The following SPTY2D1 variants were observed in gnomAD, a reference collection of about 807,000 sequenced individuals.
SPTY2D1 encodes SPT2 chromatin protein domain containing 1, also known as protein SPT2 homolog.
In SPTY2D1, 21 loss-of-function variants were observed where a neutral mutation model predicts 64.0. That is an observed-to-expected ratio of 0.33 (90% CI 0.23 to 0.47). The LOEUF (loss-of-function observed/expected upper bound fraction) is 0.47, where lower values mean the gene tolerates loss of function less well. Ranked by LOEUF, SPTY2D1 falls within the 20% of genes least tolerant of loss-of-function variation. The pLI is 1.00. For missense variants in SPTY2D1, 724 were observed against 837.2 expected (o/e 0.86, Z 1.67); for synonymous variants, 287 against 286.8 (o/e 1.00, Z -0.01).
At position 18,606,954 on chromosome 11, in the gene SPTY2D1, AG is replaced by A. The variant is rs1336125562; in HGVS notation, c.*2906del. 2 of 296,464 alleles carry A rather than the reference AG, an allele frequency of 6.7e-6. No homozygotes were observed. The highest frequency in any genetic ancestry group is 2.4e-5 in the African/African-American group (1 of 42,414). The allele number at this position is 296,464 out of a possible 1,614,324, so 18.4% of individuals were successfully genotyped here. On this transcript the variant is annotated 3_prime_UTR_variant, in exon 6 of 6. Transcript: ENST00000336349. ...TGGCTGACTGCAACCTCCGCCTCCC[AG>A]GTTCTAGCGATTCTCCTGCCTCAGC...
In SPTY2D1 at chr11:18,616,109, C is replaced by A; in HGVS notation, c.176-11G>T. The A allele has an allele frequency of 6.3e-7, 1 of 1,578,696 alleles. No homozygotes were observed. The highest frequency in any genetic ancestry group is 8.6e-7 in the Non-Finnish European group (1 of 1,163,680). On this transcript the variant is annotated splice_polypyrimidine_tract_variant and intron_variant, in intron 2 of 5. Transcript: ENST00000336349. ...TTTTCTCCTCTAAGGCTAAAAGGGA[C>A]AAAACAAGAATATGTTATTACTTCG... is the stretch of plus-strand genomic sequence containing the variant.
At chr11:18,627,692 C>G (rs923885616) in intron 1 of SPTY2D1, among the ~76,000 whole-genome samples, 1 of 152,114 alleles carries the variant, frequency 6.6e-6, no homozygotes, top group Non-Finnish European at 1.5e-5. Flanking sequence ...TCCTGGCTAA[C>G]ACAGTGAAAC....
At chr11:18,629,085 A>C (rs1371945157) in intron 1 of SPTY2D1, among the ~76,000 whole-genome samples, 1 of 152,004 alleles carries the variant, frequency 6.6e-6, no homozygotes, top group Admixed American at 6.6e-5. Context: ...TTTGCCCTTT[A>C]CCTTTCGGTT....
chr11:18,626,626 C>T (rs920249708), intron 1 of SPTY2D1, among the ~76,000 whole-genome samples: 3 of 152,162 alleles, frequency 2.0e-5, no homozygotes, highest in Admixed American at 6.6e-5. Flanking sequence ...CCATATCTAG[C>T]GTTAGCTCTG....
At position 18,615,135 on chromosome 11, in the gene SPTY2D1, C is replaced by G; in HGVS notation, c.1139G>C (p.Gly380Ala). The part of the protein sequence containing the change: ...QPGSSSSSAP[G>A]QPSTGVARPT... ...TCGAGCAACCCCTGTGCTGGGCTGCCCAGGGGCTGAGCTAGAGCTGCTGCC... is the reference window on the plus strand; with the variant it reads ...TCGAGCAACCCCTGTGCTGGGCTGCGCAGGGGCTGAGCTAGAGCTGCTGCC... Residue 380 changes from glycine to alanine, a missense_variant, in exon 3 of 6, where the codon GGG becomes GCG. Gly to Ala is a moderately conservative substitution (Grantham distance 60, BLOSUM62 0). Around this residue, in one of 3 missense-constraint regions of SPTY2D1, gnomAD observed 426 missense variants for 431.8 expected, o/e 0.99. Transcript: ENST00000336349. 2 of 1,614,190 alleles carry G rather than the reference C, an allele frequency of 1.2e-6. No individual in the cohort carries two copies. The highest frequency in any genetic ancestry group is 1.6e-4 in the Middle Eastern group (1 of 6,062).
At chr11:18,625,525 C>T (rs1264660422) in intron 1 of SPTY2D1, among the ~76,000 whole-genome samples, 1 of 151,888 alleles carries the variant, frequency 6.6e-6, no homozygotes. Flanking sequence ...CTAACTCAGC[C>T]CCAAAATATT....
In SPTY2D1 at chr11:18,615,581, T is replaced by C. The variant is rs2134110949; in HGVS notation, c.693A>G (p.Ala231=). The C allele has an allele frequency of 1.2e-6, 2 of 1,614,172 alleles. No individual in the cohort carries two copies. The highest frequency in any genetic ancestry group is 1.1e-5 in the South Asian group (1 of 91,086). The part of the protein sequence containing the change: ...GKLPPTVSKK[A]PSQKESVGTK... ...TGCCCACACTTTCTTTCTGAGAGGG[T>C]GCCTTTTTGGACACAGTTGGAGGTA... The change falls in exon 3 of 6, where the codon GCA becomes GCG. Residue 231 remains alanine, a synonymous_variant. Coordinates refer to ENST00000336349, the MANE Select transcript of SPTY2D1 (RefSeq NM_194285.3).
At chr11:18,626,596 G>A (rs1854502652) in intron 1 of SPTY2D1, among the ~76,000 whole-genome samples, 1 of 152,164 alleles carries the variant, frequency 6.6e-6, no homozygotes, top group African/African-American at 2.4e-5. Context: ...TAATCTGCCT[G>A]GATTAGATTC....
intron 1 of SPTY2D1, among the ~76,000 whole-genome samples, chr11:18,627,043 C>A (rs893735962): frequency 3.9e-5 from 6 of 152,056 alleles, no homozygotes; most frequent in African/African-American, 1.4e-4. Context: ...TGGAGCATGA[C>A]CTATTAATTA....
Position 18,622,581 on chromosome 11 carries a change from G to T in SPTY2D1, c.61-5592C>A, listed in dbSNP as rs117529312. On this transcript the variant is annotated intron_variant, in intron 1 of 5. Transcript: ENST00000336349. ...ATACCACAAAATTCATCCATTTAATGTATACTATTAAATGGTTTTTGATAT... is the reference window on the plus strand; with the variant it reads ...ATACCACAAAATTCATCCATTTAATTTATACTATTAAATGGTTTTTGATAT... 1.8e-4 allele frequency among the ~76,000 whole-genome samples: 27 copies of T among 152,096 alleles called. No homozygotes were observed. In the East Asian group the frequency reaches 4.7e-3, roughly 26 times the overall value.
At chr11:18,622,610 G>C (rs11825891) in intron 1 of SPTY2D1, among the ~76,000 whole-genome samples, 20,729 of 151,956 alleles carry the variant, frequency 0.14, 1,450 homozygotes, top group South Asian at 0.2. Context: ...TTGATATACA[G>C]TTGACCTTTA....
chr11:18,628,282 T>C (rs1381722905), intron 1 of SPTY2D1, among the ~76,000 whole-genome samples: 2 of 152,344 alleles, frequency 1.3e-5, no homozygotes, highest in East Asian at 1.9e-4. Flanking sequence ...CTATTATGAA[T>C]AATGCTGCTG....
Position 18,606,561 on chromosome 11 carries a change from A to T in SPTY2D1, c.*3300T>A, listed in dbSNP as rs1003828935. ...TAACTTGATTTGTCCATTGTGTAAA[A>T]GACAGGATGGATTTAATTACTCCAA... On this transcript the variant is annotated 3_prime_UTR_variant, in exon 6 of 6. Coordinates refer to ENST00000336349, the MANE Select transcript of SPTY2D1 (RefSeq NM_194285.3). 7.3e-6 allele frequency: 2 copies of T among 272,574 alleles called. No individual in the cohort carries two copies. The highest frequency in any genetic ancestry group is 4.7e-5 in the African/African-American group (2 of 42,346). The allele number at this position is 272,574 out of a possible 1,614,324, so 16.9% of individuals were successfully genotyped here.
At position 18,615,887 on chromosome 11, in the gene SPTY2D1, A is replaced by G; in HGVS notation, c.387T>C (p.Asn129=). ...TDREYEMEEE[N]EFLEYNHAES... is the part of the protein sequence containing the mutation. ...CTGCGTGATTGTACTCGAGGAATTCATTCTCTTCTTCCATTTCATACTCTC... is the reference window on the plus strand; with the variant it reads ...CTGCGTGATTGTACTCGAGGAATTCGTTCTCTTCTTCCATTTCATACTCTC... The change falls in exon 3 of 6, where the codon AAT becomes AAC. Residue 129 remains asparagine (N), a synonymous_variant. Transcript: ENST00000336349. The G allele has an allele frequency of 2.5e-6, 4 of 1,613,794 alleles. No individual in the cohort carries two copies. Among genetic ancestry groups the G allele is most frequent in the Non-Finnish European group, 3.4e-6 (4 of 1,179,962 alleles).
At chr11:18,616,230 G>T in intron 2 of SPTY2D1, 132 bp from the exon 3 acceptor site, 1 of 802,192 alleles carries the variant, frequency 1.2e-6, no homozygotes, top group Non-Finnish European at 1.9e-6. Context: ...ATGTGAACAA[G>T]TATCAATTGA....
In SPTY2D1 at chr11:18,612,769, CTT is replaced by C. The variant is rs749489129; in HGVS notation, c.1712-283_1712-282del. ...TAAGATCAGTAAAATTTCTTTCTTT[CTT>C]TTTTTTTTTTTTGAGACAGAGTTTC... is the stretch of plus-strand genomic sequence containing the variant. On this transcript the variant is annotated intron_variant, in intron 3 of 5. Transcript: ENST00000336349. The surrounding 1 kb of genome is among the most constrained non-coding windows in gnomAD (Gnocchi z 4.6). 1.4e-4 allele frequency among the ~76,000 whole-genome samples: 20 copies of C among 142,938 alleles called. No homozygotes were observed. The highest frequency in any genetic ancestry group is 2.1e-4 in the Admixed American group (3 of 14,228). The allele number at this position is 142,938 out of a possible 152,430, so 93.8% of individuals were successfully genotyped here.
At position 18,611,130 on chromosome 11, in the gene SPTY2D1, TAAAAA is replaced by T. The variant is rs574298678; in HGVS notation, c.1964+342_1964+346del. On this transcript the variant is annotated intron_variant, in intron 5 of 5. Transcript: ENST00000336349. ...GATAACAAAGCAAGACCCCATCTCTTAAAAACAAAACAAACAAAAAAAACAGTGAT... is the reference window on the plus strand; with the variant it reads ...GATAACAAAGCAAGACCCCATCTCTTCAAAACAAACAAAAAAAACAGTGAT... 1.8e-3 allele frequency among the ~76,000 whole-genome samples: 267 copies of T among 151,858 alleles called. 1 individual carries two copies. Among genetic ancestry groups the T allele is most frequent in the Non-Finnish European group, 3.3e-3 (224 of 67,940 alleles).
In SPTY2D1 at chr11:18,611,525, C is replaced by T. The variant is rs200405595; in HGVS notation, c.1916G>A (p.Arg639His). 13 of 1,613,794 alleles carry T rather than the reference C, an allele frequency of 8.1e-6. No individual in the cohort carries two copies. The highest frequency in any genetic ancestry group is 1.7e-5 in the Admixed American group (1 of 59,992). The change falls in exon 5 of 6, where the codon CGT (arginine) becomes CAT (histidine). Residue 639 changes from arginine to histidine, a missense_variant. This residue lies in a region of SPTY2D1 where 119 missense variants were observed against 172.9 expected (regional missense o/e 0.69). Transcript: ENST00000336349. ...CTCTTTCCAACTACTTTCCATGTAA[C>T]GTAAGGCATAATCACTTTCATCTTT... is the stretch of plus-strand genomic sequence containing the variant. ...KYKDESDYAL[R>H]YMESSWKEQQ...
chr11:18,625,352 T>C (rs1367097898), intron 1 of SPTY2D1, among the ~76,000 whole-genome samples: 2 of 152,352 alleles, frequency 1.3e-5, no homozygotes, highest in East Asian at 1.9e-4. Context: ...TTTACTGTTA[T>C]TGTGTTTACA....
Sources: allele counts gnomAD v4.1 joint callset (sites outside exome capture counted in the v4.1 genomes callset), GRCh38; gene constraint gnomAD v4.1.1; regional missense constraint gnomAD v4.1.1; non-coding constraint Gnocchi (gnomAD v3.1); transcripts MANE v1.5; gene names NCBI Gene and HGNC (gene_info 2026-07-23, HGNC 2026-07-21).